The following ZNF398 variants were observed in gnomAD, a reference collection of about 807,000 sequenced individuals.
ZNF398 encodes the protein zinc finger DNA binding protein ZER6.
Under a neutral mutation model 41.9 loss-of-function variants are expected in ZNF398, and 18 were observed. The ratio of observed to expected loss-of-function variants is 0.43; its 90% CI spans 0.30 to 0.64. ZNF398 has a LOEUF of 0.64. ZNF398 is among the 30% of genes least tolerant of loss of function. The pLI is 0.14. For missense variants in ZNF398, 669 were observed against 822.8 expected, an observed-to-expected ratio of 0.81 and a Z score of 2.29; for synonymous variants, 260 against 308.8, an observed-to-expected ratio of 0.84 and a Z score of 1.66.
At chr7:149,163,940 C>T (rs937354872) in intron 2 of ZNF398, among the ~76,000 whole-genome samples, 6 of 151,626 alleles carry the variant, frequency 4.0e-5, no homozygotes, top group South Asian at 2.1e-4. Flanking sequence ...GGTGAAACCC[C>T]GTGTCTACTA....
At chr7:149,151,265 C>A in intron 1 of ZNF398, 1 of 1,253,550 alleles carries the variant, frequency 8.0e-7, no homozygotes, top group Non-Finnish European at 1.0e-6. Flanking sequence ...GATTCAAGGC[C>A]GGAGGTTAGC....
chr7:149,148,370 C>T (rs1827015894), intron 1 of ZNF398: 1 of 938,656 alleles, frequency 1.1e-6, no homozygotes, highest in Non-Finnish European at 1.3e-6. Context: ...CGGCAGCGGC[C>T]AGTTGCCAGG....
chr7:149,136,017 G>C (rs1275506263), intron 2 of ZNF398, among the ~76,000 whole-genome samples: 1 of 152,024 alleles, frequency 6.6e-6, no homozygotes, highest in East Asian at 1.9e-4. Context: ...TTTGTACTTT[G>C]TTGCTTTTTG....
intron 2 of ZNF398, among the ~76,000 whole-genome samples, chr7:149,155,210 A>G (rs552043717): frequency 3.3e-5 from 5 of 152,256 alleles, no homozygotes; most frequent in African/African-American, 9.6e-5. Context: ...TCACAAGTTC[A>G]GGAGTTCAAG....
rs1250065436 is a variant in ZNF398 at position 149,179,786 on chromosome 7, A to C, written c.1914A>C (p.Gly638=). The C allele has an allele frequency of 3.2e-6, 5 of 1,578,060 alleles. No individual in the cohort carries two copies. The highest frequency in any genetic ancestry group is 4.3e-6 in the Non-Finnish European group (5 of 1,159,386). The change falls in exon 6 of 6, where the codon GGA becomes GGC. Residue 638 remains glycine (G), a synonymous_variant. Transcript: ENST00000475153. The surrounding 1 kb of genome is among the most constrained non-coding windows in gnomAD (Gnocchi z 6.1). ...ETNQWYGEGS[G]GGVL ...ACCAGTGGTATGGGGAAGGGAGTGGAGGGGGAGTTTTGTAAATCCAAATCT... is the reference window on the plus strand; with the variant it reads ...ACCAGTGGTATGGGGAAGGGAGTGGCGGGGGAGTTTTGTAAATCCAAATCT...
chr7:149,182,433 G>C lies in ZNF398; in HGVS notation c.*2632G>C, dbSNP rs1475157364. On this transcript the variant is annotated 3_prime_UTR_variant, in exon 6 of 6. Transcript: ENST00000475153. ...GATTCAAAAGTGGGTAAGTAAAATG[G>C]ATCAGTGGGAAGGATAAGGTGTCCA... 6.6e-6 allele frequency: 1 copy of C among 152,228 alleles called. No individual in the cohort carries two copies. The highest frequency in any genetic ancestry group is 2.4e-5 in the African/African-American group (1 of 41,450). 9.4% of individuals were successfully genotyped at this position (152,228 alleles called of 1,614,324 possible). A position where few individuals can be genotyped will look rare whatever the true frequency, so the allele number is the denominator to read the frequency against.
chr7:149,179,020 C>A lies in ZNF398; in HGVS notation c.1148C>A (p.Ala383Glu), dbSNP rs746061628. The change falls in exon 6 of 6, where the codon GCG becomes GAG. Residue 383 changes from alanine to glutamate, a missense_variant. Transcript: ENST00000475153. This position sits in a 1 kb window ranked among gnomAD's most constrained non-coding sequence, Gnocchi z 6.1. ...TGCCCTAAGCACTTTACTCCACAGG[C>A]GGACCTCAGCAGCACCTCCCAGGAC... ...AQCPKHFTPQ[A>E]DLSSTSQDHA... 4 of 1,613,762 alleles carry A rather than the reference C, an allele frequency of 2.5e-6. No homozygotes were observed. The highest frequency in any genetic ancestry group is 3.4e-6 in the Non-Finnish European group (4 of 1,179,972).
intron 1 of ZNF398, chr7:149,151,406 A>G (rs1827109731): frequency 3.6e-6 from 1 of 277,378 alleles, no homozygotes; most frequent in African/African-American, 2.2e-5. Context: ...AGGTGAAATG[A>G]GAATAAAGTA....
At chr7:149,170,697 T>G (rs1050267092) in intron 4 of ZNF398, among the ~76,000 whole-genome samples, 1 of 151,346 alleles carries the variant, frequency 6.6e-6, no homozygotes. Context: ...ATTACACCAC[T>G]GCACTCCAGC....
At position 149,157,258 on chromosome 7, in the gene ZNF398, G is replaced by A. The variant is rs1563160159; in HGVS notation, c.420+2918G>A. ...ACTAAGAAAGTCCAGGACAGGGCGGGGCACGGTGGCTAATGCCTGTAATCC... is the reference window on the plus strand; with the variant it reads ...ACTAAGAAAGTCCAGGACAGGGCGGAGCACGGTGGCTAATGCCTGTAATCC... On this transcript the variant is annotated intron_variant, in intron 2 of 5. Coordinates refer to ENST00000475153, the MANE Select transcript of ZNF398 (RefSeq NM_170686.3). Among the ~76,000 whole-genome samples the A allele has an allele frequency of 2.6e-5, 4 of 152,138 alleles. No individual in the cohort carries two copies. In the South Asian group the frequency reaches 8.3e-4, roughly 31 times the overall value.
intron 5 of ZNF398, among the ~76,000 whole-genome samples, chr7:149,178,407 C>CA (rs1210455452): frequency 6.6e-6 from 1 of 152,192 alleles, no homozygotes; most frequent in African/African-American, 2.4e-5. Flanking sequence ...GAGCTGAGGT[C>CA]ACGCCACTGT....
intron 1 of ZNF398, chr7:149,148,296 A>T: frequency 4.1e-6 from 1 of 241,542 alleles, no homozygotes. Context: ...GCGGACCCGG[A>T]GGCTGGAGTG....
rs1826777047 is a variant in ZNF398, at chr7:149,139,361, T to C, written c.-490+10417T>C. Among the ~76,000 whole-genome samples the C allele has an allele frequency of 2.6e-5, 4 of 152,154 alleles. No individual in the cohort carries two copies. The South Asian group carries it at 8.3e-4, about 32-fold the overall frequency. Reference sequence around the variant, plus strand: ...GGCATAAACCAGTGTACCTGGTCTATTGTTACTGTGTGAATACCTACTTTT... The same window carrying C: ...GGCATAAACCAGTGTACCTGGTCTACTGTTACTGTGTGAATACCTACTTTT... On this transcript the variant is annotated intron_variant, in intron 2 of 6. Transcript: ENST00000426851.
intron 2 of ZNF398, among the ~76,000 whole-genome samples, chr7:149,163,709 G>C (rs1206207774): frequency 6.6e-6 from 1 of 152,158 alleles, no homozygotes; most frequent in African/African-American, 2.4e-5. Context: ...TGCTGACCTT[G>C]GGTGATCCAC....
At chr7:149,157,836 CAAAAAAA>C (rs67225033) in intron 2 of ZNF398, among the ~76,000 whole-genome samples, 19 of 59,744 alleles carry the variant, frequency 3.2e-4, no homozygotes, top group Admixed American at 2.5e-3. Flanking sequence ...GACTCTGTCT[CAAAAAAA>C]AAAAAAAAAA....
In ZNF398 at chr7:149,166,185, A is replaced by C; in HGVS notation, c.448A>C (p.Ile150Leu). The change falls in exon 3 of 6, where the codon ATC becomes CTC. Residue 150 changes from isoleucine (I) to leucine (L), a missense_variant. Around this residue, in one of 3 missense-constraint regions of ZNF398, gnomAD observed 169 missense variants for 239.5 expected, o/e 0.71. Coordinates refer to ENST00000475153, the MANE Select transcript of ZNF398 (RefSeq NM_170686.3). Reference sequence around the variant, plus strand: ...GCCTGTGGCATTTGATGATGTCTCCATCTACTTTTCCACTCCAGAGTGGGA... The same window carrying C: ...GCCTGTGGCATTTGATGATGTCTCCCTCTACTTTTCCACTCCAGAGTGGGA... Reference protein sequence around the residue: ...KVPVAFDDVSIYFSTPEWEKL... With the variant: ...KVPVAFDDVSLYFSTPEWEKL... 6.2e-7 allele frequency: 1 copy of C among 1,614,114 alleles called. No homozygotes were observed. The highest frequency in any genetic ancestry group is 8.5e-7 in the Non-Finnish European group (1 of 1,180,000).
In ZNF398 at chr7:149,154,212, G is replaced by T. The variant is rs141591569; in HGVS notation, c.292G>T (p.Val98Leu). 6.2e-7 allele frequency: 1 copy of T among 1,614,184 alleles called. No homozygotes were observed. The highest frequency in any genetic ancestry group is 1.7e-5 in the Admixed American group (1 of 60,024). Residue 98 changes from valine (V) to leucine (L), a missense_variant, in exon 2 of 6, where the codon GTG becomes TTG. Around this residue, in one of 3 missense-constraint regions of ZNF398, gnomAD observed 169 missense variants for 239.5 expected, o/e 0.71. Coordinates refer to ENST00000475153, the MANE Select transcript of ZNF398 (RefSeq NM_170686.3). ...GAACCAGCTGGAGGGCAAGTGGGCC[G>T]TGCTGGGAACCCTGCTGCAGGAGTA... ...LGNQLEGKWA[V>L]LGTLLQEYGL...
intron 2 of ZNF398, among the ~76,000 whole-genome samples, chr7:149,131,880 T>C (rs987787234): frequency 6.6e-6 from 1 of 152,202 alleles, no homozygotes; most frequent in Admixed American, 6.5e-5. Flanking sequence ...TTTTGACACT[T>C]TTAAACAGTT....
chr7:149,145,952 T>TTTTC (rs1377658012), upstream of ZNF398, among the ~76,000 whole-genome samples: 15 of 146,402 alleles, frequency 1.0e-4, no homozygotes, highest in Non-Finnish European at 1.7e-4. Flanking sequence ...CTTTTTTTTT[T>TTTTC]TTTTTTTTTT....
Sources: gnomAD v4.1 joint callset for allele counts (sites outside exome capture counted in the v4.1 genomes callset) on GRCh38, gnomAD v4.1.1 for gene constraint, gnomAD v4.1.1 regional missense constraint, Gnocchi (gnomAD v3.1) non-coding constraint, MANE v1.5 for transcripts, NCBI Gene and HGNC (gene_info 2026-07-23, HGNC 2026-07-21) for gene names.